Variants in TBC1D5 observed in about 807,000 individuals in gnomAD.
The protein encoded by TBC1D5 is TBC1 domain family member 5.
A neutral mutation model predicts 100.3 loss-of-function variants in TBC1D5; 75 were observed. The ratio of observed to expected loss-of-function variants is 0.75; its 90% CI spans 0.62 to 0.91. TBC1D5 has a LOEUF of 0.91. TBC1D5 is among the 40% of genes least tolerant of loss of function. TBC1D5 has a pLI of 0.00. For synonymous variants in TBC1D5, 323 were observed against 325.6 expected, an observed-to-expected ratio of 0.99 and a Z score of 0.09; for missense variants, 910 against 942.4, an observed-to-expected ratio of 0.97 and a Z score of 0.45.
chr3:17,680,934 A>AAC (rs1469728877), intron 1 of TBC1D5, among the ~76,000 whole-genome samples: 2 of 151,482 alleles, frequency 1.3e-5, no homozygotes, highest in East Asian at 3.8e-4. Flanking sequence ...AGAGATTTGA[A>AAC]ACACTTCCAT....
intron 2 of TBC1D5, among the ~76,000 whole-genome samples, chr3:17,568,750 T>C (rs2096608332): frequency 6.6e-6 from 1 of 151,644 alleles, no homozygotes; most frequent in Non-Finnish European, 1.5e-5. Flanking sequence ...CATATAACAT[T>C]ATATATTGCC....
chr3:17,172,694 T>C (rs1420891301), intron 19 of TBC1D5, among the ~76,000 whole-genome samples: 3 of 152,230 alleles, frequency 2.0e-5, no homozygotes, highest in Non-Finnish European at 4.4e-5. Flanking sequence ...CTATTTTTAA[T>C]GAAATGTAGT....
At chr3:17,167,368 T>C (rs890955346) in intron 20 of TBC1D5, among the ~76,000 whole-genome samples, 4 of 152,240 alleles carry the variant, frequency 2.6e-5, no homozygotes, top group African/African-American at 9.6e-5. Context: ...CTTGGGTCAA[T>C]GTGGTCCTTG....
intron 1 of TBC1D5, among the ~76,000 whole-genome samples, chr3:17,649,209 T>C (rs2065300136): frequency 6.6e-6 from 1 of 152,180 alleles, no homozygotes. Flanking sequence ...GCTATTATCC[T>C]TAGCAAATTA....
intron 2 of TBC1D5, among the ~76,000 whole-genome samples, chr3:17,531,012 G>A (rs368866315): frequency 6.6e-6 from 1 of 152,234 alleles, no homozygotes; most frequent in Non-Finnish European, 1.5e-5. Flanking sequence ...GGAAATAAAG[G>A]GCATTCAATT....
chr3:17,706,273 TA>T, intron 1 of TBC1D5: 1 of 1,546,784 alleles, frequency 6.5e-7, no homozygotes, highest in Non-Finnish European at 8.7e-7. Context: ...TACTCAGCTC[TA>T]AAGAGTTGAA....
At chr3:17,458,793 G>A (rs1247366407) in intron 3 of TBC1D5, among the ~76,000 whole-genome samples, 3 of 152,158 alleles carry the variant, frequency 2.0e-5, no homozygotes, top group African/African-American at 4.8e-5. Flanking sequence ...ATCAGAAACC[G>A]TAAGTCATCC....
At chr3:17,314,606 G>C (rs1475063122) in intron 13 of TBC1D5, among the ~76,000 whole-genome samples, 1 of 152,086 alleles carries the variant, frequency 6.6e-6, no homozygotes, top group African/African-American at 2.4e-5. Context: ...CCACCTGGCA[G>C]CTTGTTAGAT....
intron 1 of TBC1D5, among the ~76,000 whole-genome samples, chr3:17,715,841 G>A (rs542607901): frequency 1.3e-5 from 2 of 152,084 alleles, no homozygotes; most frequent in African/African-American, 2.4e-5. Flanking sequence ...GGAGGATCAC[G>A]AGGTCAAGAG....
intron 18 of TBC1D5, among the ~76,000 whole-genome samples, chr3:17,197,544 T>A (rs2070864732): frequency 6.6e-6 from 1 of 151,522 alleles, no homozygotes; most frequent in South Asian, 2.1e-4. Flanking sequence ...GCCCAGCTAA[T>A]TTTTTTTGGT....
chr3:17,592,399 T>C (rs1248056166), intron 2 of TBC1D5, among the ~76,000 whole-genome samples: 1 of 152,198 alleles, frequency 6.6e-6, no homozygotes, highest in East Asian at 1.9e-4. Flanking sequence ...ATTCAGGGAC[T>C]TTCTACTTCA....
intron 3 of TBC1D5, among the ~76,000 whole-genome samples, chr3:17,481,316 G>A (rs902116832): frequency 2.6e-5 from 4 of 152,216 alleles, no homozygotes; most frequent in Non-Finnish European, 5.9e-5. Flanking sequence ...CCCTTGGAAG[G>A]CATGGGATTT....
At chr3:17,183,755 G>A (rs1283933183) in intron 19 of TBC1D5, among the ~76,000 whole-genome samples, 1 of 152,148 alleles carries the variant, frequency 6.6e-6, no homozygotes, top group Non-Finnish European at 1.5e-5. Flanking sequence ...ATTTTACTGA[G>A]GCCAGTACGG....
At chr3:17,189,393 A>G (rs112103408) in intron 18 of TBC1D5, among the ~76,000 whole-genome samples, 13 of 152,300 alleles carry the variant, frequency 8.5e-5, no homozygotes, top group African/African-American at 2.9e-4. Context: ...AGAAATTGAT[A>G]GAGGAGGATA....
chr3:17,433,293 C>T (rs904407799), intron 3 of TBC1D5, among the ~76,000 whole-genome samples: 11 of 152,332 alleles, frequency 7.2e-5, no homozygotes, highest in African/African-American at 1.2e-4. Flanking sequence ...TCCATTCTCA[C>T]GCTGCTATAA....
At chr3:17,299,775 C>T (rs1378202548) in intron 14 of TBC1D5, among the ~76,000 whole-genome samples, 3 of 140,374 alleles carry the variant, frequency 2.1e-5, no homozygotes, top group Admixed American at 1.6e-4. Flanking sequence ...AGGAGAATGG[C>T]GTGAACCCGG....
intron 3 of TBC1D5, among the ~76,000 whole-genome samples, chr3:17,437,591 T>G (rs2094558877): frequency 1.6e-5 from 2 of 126,100 alleles, no homozygotes; most frequent in Admixed American, 9.1e-5. Context: ...TGTGGTGGGA[T>G]GGAAAGAGGG....
At chr3:17,653,037 G>A (rs1253944785) in intron 1 of TBC1D5, among the ~76,000 whole-genome samples, 1 of 152,132 alleles carries the variant, frequency 6.6e-6, no homozygotes, top group East Asian at 1.9e-4. Flanking sequence ...CTAAGTGAAC[G>A]AAGATAGACA....
chr3:17,687,872 A>G (rs2070539794), intron 1 of TBC1D5, among the ~76,000 whole-genome samples: 1 of 152,216 alleles, frequency 6.6e-6, no homozygotes, highest in Non-Finnish European at 1.5e-5. Flanking sequence ...ACTCAGCTAT[A>G]AAACTGGGAT....
Sources: gnomAD v4.1 joint callset for allele counts (sites outside exome capture counted in the v4.1 genomes callset) on GRCh38, gnomAD v4.1.1 for gene constraint, MANE v1.5 for transcripts, NCBI Gene and HGNC (gene_info 2026-07-23, HGNC 2026-07-21) for gene names.